The following UGT2A1 variants were observed in gnomAD, a reference collection of about 807,000 sequenced individuals.
UGT2A1 encodes the protein UDP-glucuronosyltransferase 2A1.
In UGT2A1, 61 loss-of-function variants were observed where a neutral mutation model predicts 45.4. The observed-to-expected ratio is 1.34, with a 90% CI of 1.09 to 1.66. The LOEUF is 1.66. Among genes scored for constraint, UGT2A1 ranks in the 40% most tolerant of loss-of-function variants. The pLI is 0.00. For synonymous variants in UGT2A1, 229 were observed against 196.2 expected (o/e 1.17, Z -1.40); for missense variants, 649 against 574.3 (o/e 1.13, Z -1.33).
chr4:69,622,049 TA>T (rs1720786101), intron 3 of UGT2A1, among the ~76,000 whole-genome samples: 1 of 151,846 alleles, frequency 6.6e-6, no homozygotes, highest in African/African-American at 2.4e-5. Context: ...AAAATATAAC[TA>T]TTGAGTACTA....
intron 3 of UGT2A1, among the ~76,000 whole-genome samples, chr4:69,603,205 AATC>A (rs1719399721): frequency 1.5e-5 from 2 of 137,658 alleles, no homozygotes; most frequent in East Asian, 4.1e-4. Flanking sequence ...AGCCAAAAAT[AATC>A]AAGGAACTCC....
chr4:69,599,382 G>A lies in UGT2A1; in HGVS notation c.860C>T (p.Thr287Met), dbSNP rs757111881. The A allele has an allele frequency of 6.2e-6, 10 of 1,613,098 alleles. No homozygotes were observed. Among genetic ancestry groups the A allele is most frequent in the South Asian group, 2.2e-5 (2 of 90,940 alleles). ...DYRLPAGRPT[T>M]LCETMGKAEI... is the part of the protein sequence containing the mutation. ...AGCTTTCCCCATAGTCTCACATAAC[G>A]TAGTGGGTCTTCCTGGAGAAAATGT... Residue 287 changes from threonine to methionine, a missense_variant, in exon 4 of 7, where the codon ACG (threonine) becomes ATG (methionine). By Grantham distance (81) the Thr-to-Met change is moderately conservative. Coordinates refer to ENST00000286604, the MANE Select transcript of UGT2A1 (RefSeq NM_001252275.3).
At position 69,599,288 on chromosome 4, in the gene UGT2A1, A is replaced by C. The variant is rs1354188195; in HGVS notation, c.954T>G (p.Phe318Leu). The stretch of plus-strand genomic sequence containing the variant: ...CAGGTTTGCAGTGCAATCCTCCAAC[A>C]AACTCAAAATTAGGTAAGTATGGAC... ...FPRPYLPNFE[F>L]VGGLHCKPAK... The change falls in exon 4 of 7, where the codon TTT becomes TTG. Residue 318 changes from phenylalanine (F) to leucine (L), a missense_variant. Transcript: ENST00000286604. 1 of 1,613,888 alleles carries C rather than the reference A, an allele frequency of 6.2e-7. No individual in the cohort carries two copies.
At chr4:69,625,046 A>G (rs1720964108) in intron 3 of UGT2A1, among the ~76,000 whole-genome samples, 1 of 151,280 alleles carries the variant, frequency 6.6e-6, no homozygotes, top group Admixed American at 6.6e-5. Context: ...TTGGCTGGGT[A>G]TTAAATTTGC....
At position 69,594,678 on chromosome 4, in the gene UGT2A1, G is replaced by A; in HGVS notation, c.1103C>T (p.Ala368Val). 2 of 1,613,826 alleles carry A rather than the reference G, an allele frequency of 1.2e-6. No individual in the cohort carries two copies. Among genetic ancestry groups the A allele is most frequent in the Non-Finnish European group, 1.7e-6 (2 of 1,179,874 alleles). The change falls in exon 6 of 7, where the codon GCT becomes GTT. Residue 368 changes from alanine to valine, a missense_variant. Coordinates refer to ENST00000286604, the MANE Select transcript of UGT2A1 (RefSeq NM_001252275.3). ...ATTAGTTCCACCATGAGTGATAAAA[G>A]CTTTGGTTTTGGGATGTCCTAATTT... ...NDLLGHPKTK[A>V]FITHGGTNGI...
At chr4:69,598,050 G>T (rs2109887237) in intron 4 of UGT2A1, among the ~76,000 whole-genome samples, 1 of 152,128 alleles carries the variant, frequency 6.6e-6, no homozygotes, top group East Asian at 1.9e-4. Flanking sequence ...GGGTGTCATG[G>T]GTCATTATCC....
At chr4:69,639,276 T>C (rs1332459839) in intron 2 of UGT2A1, 2 of 1,613,730 alleles carry the variant, frequency 1.2e-6, no homozygotes, top group Admixed American at 3.3e-5. Context: ...GTCTAGAAGT[T>C]TTCCTAGTTC....
chr4:69,608,307 A>G (rs2109910538), intron 3 of UGT2A1, among the ~76,000 whole-genome samples: 1 of 143,940 alleles, frequency 6.9e-6, no homozygotes, highest in East Asian at 2.0e-4. Context: ...ATTCTCAGCA[A>G]ACTATCTCAA....
At chr4:69,606,252 C>T (rs923088773) in intron 3 of UGT2A1, among the ~76,000 whole-genome samples, 1 of 136,242 alleles carries the variant, frequency 7.3e-6, no homozygotes, top group East Asian at 2.1e-4. Context: ...ATCCCTGGGA[C>T]GCAAGGCTGG....
intron 3 of UGT2A1, among the ~76,000 whole-genome samples, chr4:69,630,603 T>C (rs903953917): frequency 3.9e-5 from 6 of 152,156 alleles, no homozygotes; most frequent in Admixed American, 2.0e-4. Context: ...AATTATAAAA[T>C]AGGCCTCTAA....
intron 2 of UGT2A1, among the ~76,000 whole-genome samples, chr4:69,638,060 C>T (rs1223750252): frequency 4.0e-5 from 6 of 151,450 alleles, no homozygotes; most frequent in Non-Finnish European, 8.8e-5. Context: ...AAGGAACGAC[C>T]AAGGGGAGTG....
chr4:69,599,088 T>C (rs1356387258), intron 4 of UGT2A1, among the ~76,000 whole-genome samples, 158 bp downstream of exon 4: 1 of 152,154 alleles, frequency 6.6e-6, no homozygotes, highest in East Asian at 1.9e-4. Flanking sequence ...AAACACCTAA[T>C]ATCACTTGTA....
chr4:69,639,593 C>A lies in UGT2A1; in HGVS notation c.716-3771G>T, dbSNP rs754462289. Reference sequence around the variant, plus strand: ...CAGTCAGAGTCAAATTAAAAACCAGCATCTGGACAAACTTCTTAGGCATGG... The same window carrying A: ...CAGTCAGAGTCAAATTAAAAACCAGAATCTGGACAAACTTCTTAGGCATGG... On this transcript the variant is annotated intron_variant, in intron 2 of 6. Coordinates refer to ENST00000286604, the MANE Select transcript of UGT2A1 (RefSeq NM_001252275.3). The A allele has an allele frequency of 1.9e-5, 31 of 1,608,224 alleles. No homozygotes were observed. Among genetic ancestry groups the A allele is most frequent in the South Asian group, 6.7e-5 (6 of 89,860 alleles).
At chr4:69,647,786 G>C in intron 1 of UGT2A1, 88 bp from the exon 2 acceptor site, 1 of 578,516 alleles carries the variant, frequency 1.7e-6, no homozygotes, top group Non-Finnish European at 2.9e-6. Context: ...TCTAGAAAGT[G>C]ATACTAGTCA....
At chr4:69,613,379 T>A (rs1240492928) in intron 3 of UGT2A1, among the ~76,000 whole-genome samples, 1 of 151,950 alleles carries the variant, frequency 6.6e-6, no homozygotes, top group African/African-American at 2.4e-5. Flanking sequence ...ACCTGAAGAC[T>A]TTCACTGTTG....
At position 69,589,159 on chromosome 4, in the gene UGT2A1, G is replaced by A. The variant is rs1718432224; in HGVS notation, c.*213C>T. 10 of 526,298 alleles carry A rather than the reference G, an allele frequency of 1.9e-5. No individual in the cohort carries two copies. The East Asian group carries it at 3.8e-4, about 20-fold the overall frequency. The allele number at this position is 526,298 out of a possible 1,614,324, so 32.6% of individuals were successfully genotyped here. ...GGTATAGTCAGCAGGGAGAGACAAA[G>A]GAAAAATAGAAGACTATAACTCACA... is the stretch of plus-strand genomic sequence containing the variant. On this transcript the variant is annotated 3_prime_UTR_variant, in exon 7 of 7. Coordinates refer to ENST00000286604, the MANE Select transcript of UGT2A1 (RefSeq NM_001252275.3).
At chr4:69,636,814 ATCC>A (rs550957071) in intron 2 of UGT2A1, among the ~76,000 whole-genome samples, 137 of 152,268 alleles carry the variant, frequency 9.0e-4, no homozygotes, top group African/African-American at 3.2e-3. Context: ...ATATCATATG[ATCC>A]TCCTAACGAA....
chr4:69,639,730 C>T, intron 2 of UGT2A1: 1 of 1,297,816 alleles, frequency 7.7e-7, no homozygotes, highest in Non-Finnish European at 1.0e-6. Context: ...GCGATGGTTA[C>T]ACTCAGTCGT....
intron 2 of UGT2A1, among the ~76,000 whole-genome samples, chr4:69,645,283 C>G (rs1310279917): frequency 2.0e-5 from 3 of 151,766 alleles, no homozygotes; most frequent in Non-Finnish European, 4.4e-5. Flanking sequence ...GTATCACATA[C>G]ACAGCATGTC....
Sources: allele counts gnomAD v4.1 joint callset (sites outside exome capture counted in the v4.1 genomes callset), GRCh38; gene constraint gnomAD v4.1.1; transcripts MANE v1.5; gene names NCBI Gene and HGNC (gene_info 2026-07-23, HGNC 2026-07-21).